LHFPL3: variants seen among roughly 807,000 people sequenced by gnomAD.
LHFPL3 encodes the protein LHFPL tetraspan subfamily member 3 protein.
A neutral mutation model predicts 19.3 loss-of-function variants in LHFPL3; 5 were observed. The observed-to-expected ratio is 0.26, with a 90% CI of 0.14 to 0.54. LHFPL3 has a LOEUF of 0.54. LHFPL3 is among the 20% of genes least tolerant of loss of function. The pLI is 0.94. For synonymous variants in LHFPL3, 133 were observed against 126.2 expected, an observed-to-expected ratio of 1.05 and a Z score of -0.36; for missense variants, 249 against 307.4, an observed-to-expected ratio of 0.81 and a Z score of 1.42.
chr7:104,587,721 T>A (rs2115608376), intron 1 of LHFPL3, among the ~76,000 whole-genome samples: 1 of 152,032 alleles, frequency 6.6e-6, no homozygotes, highest in African/African-American at 2.4e-5. Flanking sequence ...GTTGAACTAG[T>A]TTACAGTCCC....
chr7:104,823,572 T>A (rs1790719360), intron 2 of LHFPL3, among the ~76,000 whole-genome samples: 1 of 152,194 alleles, frequency 6.6e-6, no homozygotes, highest in Admixed American at 6.5e-5. Context: ...TTTCACAGTT[T>A]TCCGTGCTTT....
Position 104,392,319 on chromosome 7 carries a change from G to C in LHFPL3, c.445+63095G>C, listed in dbSNP as rs549650720. Among the ~76,000 whole-genome samples the C allele has an allele frequency of 3.8e-3, 570 of 151,792 alleles. 6 individuals are homozygous for C. Among genetic ancestry groups the C allele is most frequent in the African/African-American group, 0.013 (558 of 41,342 alleles). On this transcript the variant is annotated intron_variant, in intron 1 of 2. Transcript: ENST00000424859. ...CCCATTCAGTATGATATTGGCTGTG[G>C]GTTTGTCATAGATAGCTCTTATTAT...
Position 104,635,984 on chromosome 7 carries a change from T to TCC in LHFPL3, c.446-100689_446-100688dup. ...GTAGGAAAGACTTAATCAGGTGCCC[T>TCC]CCCTTTAAAGAAAACCTCTGAGTAA... On this transcript the variant is annotated intron_variant, in intron 1 of 2. Coordinates refer to ENST00000424859, the MANE Select transcript of LHFPL3 (RefSeq NM_199000.3). Among the ~76,000 whole-genome samples the TCC allele has an allele frequency of 2.6e-5, 4 of 152,250 alleles. 1 individual carries two copies. Among genetic ancestry groups the TCC allele is most frequent in the Admixed American group, 2.6e-4 (4 of 15,288 alleles).
intron 2 of LHFPL3, among the ~76,000 whole-genome samples, chr7:104,850,302 C>T (rs757901811): frequency 6.6e-6 from 1 of 152,158 alleles, no homozygotes; most frequent in Non-Finnish European, 1.5e-5. Flanking sequence ...AACTCCGTCA[C>T]AAAAAATAAA....
At chr7:104,723,947 T>C (rs1338737428) in intron 1 of LHFPL3, among the ~76,000 whole-genome samples, 1 of 152,174 alleles carries the variant, frequency 6.6e-6, no homozygotes, top group East Asian at 1.9e-4. Context: ...AATGTCCTGG[T>C]GCCTTGTATA....
At chr7:104,494,479 T>A (rs1024972577) in intron 1 of LHFPL3, among the ~76,000 whole-genome samples, 2 of 152,168 alleles carry the variant, frequency 1.3e-5, no homozygotes, top group Non-Finnish European at 2.9e-5. Flanking sequence ...CTCCTCTCAT[T>A]TTCACATGTT....
chr7:104,807,824 C>T (rs929088359), intron 2 of LHFPL3, among the ~76,000 whole-genome samples: 11 of 152,348 alleles, frequency 7.2e-5, no homozygotes, highest in South Asian at 4.1e-4. Flanking sequence ...ACTCACTGAA[C>T]GTCTAAAGCA....
chr7:104,669,248 A>G, intron 1 of LHFPL3: 1 of 1,613,964 alleles, frequency 6.2e-7, no homozygotes, highest in Non-Finnish European at 8.5e-7. Context: ...ACAGAGCAGC[A>G]ATCCCCTACA....
intron 1 of LHFPL3, among the ~76,000 whole-genome samples, chr7:104,524,340 C>T (rs899286846): frequency 6.6e-6 from 1 of 152,070 alleles, no homozygotes. Flanking sequence ...CAAGGGACTC[C>T]AAAGTTAAAG....
At chr7:104,329,512 C>T (rs2116339514) in intron 1 of LHFPL3, among the ~76,000 whole-genome samples, 2 of 152,372 alleles carry the variant, frequency 1.3e-5, no homozygotes, top group South Asian at 4.1e-4. Flanking sequence ...GCCGAGTCCG[C>T]TCAGAACTAA....
At chr7:104,563,078 T>C (rs1295141397) in intron 1 of LHFPL3, among the ~76,000 whole-genome samples, 1 of 152,096 alleles carries the variant, frequency 6.6e-6, no homozygotes, top group Admixed American at 6.5e-5. Flanking sequence ...ACCACTGCTC[T>C]CTTCAAAGCT....
rs148174079 is a variant in LHFPL3, at chr7:104,885,133, T to G, written c.683-21054T>G. Among the ~76,000 whole-genome samples, 607 of 152,310 alleles carry G rather than the reference T, an allele frequency of 4.0e-3. 12 individuals carry two copies. Among genetic ancestry groups the G allele is most frequent in the Admixed American group, 0.036 (548 of 15,292 alleles). On this transcript the variant is annotated intron_variant, in intron 2 of 2. Transcript: ENST00000424859. The stretch of plus-strand genomic sequence containing the variant: ...TCCACTCTACCCCAGAGATCACAAC[T>G]GAGACTTCGATTTTATTTGCTATTT...
chr7:104,749,349 A>T (rs1253034051), intron 2 of LHFPL3, among the ~76,000 whole-genome samples: 4 of 152,288 alleles, frequency 2.6e-5, no homozygotes, highest in Non-Finnish European at 1.5e-5. Flanking sequence ...TAACAGTCTG[A>T]AAACTTGTCT....
intron 1 of LHFPL3, among the ~76,000 whole-genome samples, chr7:104,416,482 C>T (rs1017653344): frequency 4.6e-5 from 7 of 152,192 alleles, no homozygotes; most frequent in Non-Finnish European, 1.0e-4. Flanking sequence ...CTTCCGTGGC[C>T]CTACTTTCTA....
chr7:104,367,370 T>C (rs148932396), intron 1 of LHFPL3, among the ~76,000 whole-genome samples: 3 of 152,338 alleles, frequency 2.0e-5, no homozygotes, highest in African/African-American at 7.2e-5. Flanking sequence ...TGTTCTATGG[T>C]TAACTTGTAA....
intron 2 of LHFPL3, among the ~76,000 whole-genome samples, chr7:104,752,305 T>C (rs1259054729): frequency 2.0e-5 from 3 of 152,168 alleles, no homozygotes; most frequent in Non-Finnish European, 4.4e-5. Flanking sequence ...CTTCTGTTTC[T>C]TTCTGGGATT....
At chr7:104,690,485 A>AT (rs1345444702) in intron 1 of LHFPL3, among the ~76,000 whole-genome samples, 3 of 152,332 alleles carry the variant, frequency 2.0e-5, no homozygotes, top group Admixed American at 1.3e-4. Context: ...CTGGTCCATT[A>AT]CATTGATGAC....
At chr7:104,522,238 G>C (rs1794081155) in intron 1 of LHFPL3, among the ~76,000 whole-genome samples, 1 of 151,960 alleles carries the variant, frequency 6.6e-6, no homozygotes, top group African/African-American at 2.4e-5. Context: ...TCCTTTGTAG[G>C]GACATGGATG....
In LHFPL3 at chr7:104,379,128, A is replaced by G. The variant is rs114344179; in HGVS notation, c.445+49904A>G. On this transcript the variant is annotated intron_variant, in intron 1 of 2. Coordinates refer to ENST00000424859, the MANE Select transcript of LHFPL3 (RefSeq NM_199000.3). ...CAGAAGTTTTGAAAGAAATATTGCC[A>G]GATGGCCCGAAGATACAGACTTCGC... is the stretch of plus-strand genomic sequence containing the variant. Among the ~76,000 whole-genome samples, 534 of 152,372 alleles carry G rather than the reference A, an allele frequency of 3.5e-3. 4 individuals carry two copies. The highest frequency in any genetic ancestry group is 0.012 in the African/African-American group (505 of 41,582).
Sources: gnomAD v4.1 joint callset for allele counts (sites outside exome capture counted in the v4.1 genomes callset) on GRCh38, gnomAD v4.1.1 for gene constraint, MANE v1.5 for transcripts, NCBI Gene and HGNC (gene_info 2026-07-23, HGNC 2026-07-21) for gene names.